STIM1: variants seen among roughly 807,000 people sequenced by gnomAD.
The protein encoded by STIM1 is stromal interaction molecule 1.
Under a neutral mutation model 74.7 loss-of-function variants are expected in STIM1, and 25 were observed. The ratio of observed to expected loss-of-function variants is 0.33; its 90% CI spans 0.24 to 0.47. The LOEUF (loss-of-function observed/expected upper bound fraction) is 0.47, where lower values mean the gene tolerates loss of function less well. Among genes scored for constraint, STIM1 ranks in the 20% least tolerant of loss-of-function variants. The pLI, the probability that STIM1 is intolerant of heterozygous loss-of-function variation, is 1.00. For missense variants in STIM1, 728 were observed against 920.8 expected, an observed-to-expected ratio of 0.79 and a Z score of 2.71; for synonymous variants, 328 against 348.8, an observed-to-expected ratio of 0.94 and a Z score of 0.66.
At chr11:4,081,815 G>A (rs1426760064) in intron 7 of STIM1, among the ~76,000 whole-genome samples, 2 of 152,224 alleles carry the variant, frequency 1.3e-5, no homozygotes, top group Non-Finnish European at 2.9e-5. Context: ...ATGTCTTGAA[G>A]TCTAAGCACA....
intron 5 of STIM1, among the ~76,000 whole-genome samples, chr11:4,063,886 A>G (rs1847461203): frequency 6.6e-6 from 1 of 152,024 alleles, no homozygotes. Context: ...TTTTGGGAGG[A>G]ACTTCTTCCT....
Position 4,017,928 on chromosome 11 carries a change from C to T in STIM1, c.271-5945C>T, listed in dbSNP as rs184841542. On this transcript the variant is annotated intron_variant, in intron 2 of 12. Coordinates refer to ENST00000526596, the MANE Select transcript of STIM1 (RefSeq NM_001382567.1). ...TTTTTAACACAGTATCCAGAGAAAT[C>T]GTTTTAAAAATATAAATGTCTTCAT... Among the ~76,000 whole-genome samples the T allele has an allele frequency of 2.8e-4, 42 of 152,284 alleles. 2 individuals carry two copies. In the East Asian group the frequency reaches 7.5e-3, roughly 27 times the overall value.
At chr11:3,966,693 C>T (rs569375388) in intron 1 of STIM1, among the ~76,000 whole-genome samples, 15 of 152,224 alleles carry the variant, frequency 9.9e-5, no homozygotes, top group African/African-American at 3.6e-4. Context: ...CAAATAGTGA[C>T]CTTGAGGCCT....
intron 1 of STIM1, among the ~76,000 whole-genome samples, chr11:3,874,659 T>C (rs1182033776): frequency 1.3e-5 from 2 of 152,258 alleles, no homozygotes; most frequent in African/African-American, 4.8e-5. Context: ...CTTCTTGCCC[T>C]GCTTTTTCAG....
Position 4,070,157 on chromosome 11 carries a change from G to C in STIM1, c.745G>C (p.Glu249Gln). 1 of 1,614,182 alleles carries C rather than the reference G, an allele frequency of 6.2e-7. No individual in the cohort carries two copies. Among genetic ancestry groups the C allele is most frequent in the South Asian group, 1.1e-5 (1 of 91,080 alleles). ...EHMKKMMKDLEGLHRAEQSLH... is the reference protein window; with the variant it reads ...EHMKKMMKDLQGLHRAEQSLH... ...CATGAAGAAGATGATGAAGGACTTG[G>C]AGGGGTTACACCGAGCTGAGCAGAG... The change falls in exon 6 of 13, where the codon GAG (glutamate) becomes CAG (glutamine). Residue 249 changes from glutamate (E) to glutamine (Q), a missense_variant. Transcript: ENST00000526596.
intron 1 of STIM1, among the ~76,000 whole-genome samples, chr11:3,957,113 C>T (rs1225116051): frequency 1.3e-5 from 2 of 152,088 alleles, no homozygotes; most frequent in African/African-American, 4.8e-5. Flanking sequence ...GCTGTGTCCT[C>T]AGATATCTTC....
chr11:4,042,103 C>T (rs531877920), intron 3 of STIM1, among the ~76,000 whole-genome samples: 5 of 152,306 alleles, frequency 3.3e-5, no homozygotes, highest in Non-Finnish European at 5.9e-5. Context: ...GATACTGATT[C>T]GGGAATCCAT....
At chr11:4,007,932 A>C (rs1197413538) in intron 2 of STIM1, among the ~76,000 whole-genome samples, 1 of 152,118 alleles carries the variant, frequency 6.6e-6, no homozygotes, top group Non-Finnish European at 1.5e-5. Context: ...GTTCTAAGAG[A>C]TAGGGGATTG....
chr11:4,017,722 A>G (rs1483882352), intron 2 of STIM1, among the ~76,000 whole-genome samples: 3 of 152,180 alleles, frequency 2.0e-5, no homozygotes, highest in African/African-American at 7.2e-5. Context: ...GAAGAACCTG[A>G]TTAATCAAAC....
Position 3,898,836 on chromosome 11 carries a change from C to T in STIM1, c.139+42427C>T, listed in dbSNP as rs1424834313. ...AGATCAGATAGTTGTAGATATGCGG[C>T]GTTATTTCTGAGGGCTCTGTTCTGT... On this transcript the variant is annotated intron_variant, in intron 1 of 12. Coordinates refer to ENST00000526596, the MANE Select transcript of STIM1 (RefSeq NM_001382567.1). 6.0e-5 allele frequency among the ~76,000 whole-genome samples: 9 copies of T among 150,246 alleles called. No individual in the cohort carries two copies. In the East Asian group the frequency reaches 9.8e-4, roughly 16 times the overall value.
chr11:3,958,362 G>C (rs1490773007), intron 1 of STIM1, among the ~76,000 whole-genome samples: 1 of 152,176 alleles, frequency 6.6e-6, no homozygotes, highest in Non-Finnish European at 1.5e-5. Context: ...AAGGAAGTTA[G>C]AGCTTAGAAT....
At chr11:4,045,332 C>T (rs1267683499) in intron 3 of STIM1, among the ~76,000 whole-genome samples, 1 of 152,096 alleles carries the variant, frequency 6.6e-6, no homozygotes, top group Non-Finnish European at 1.5e-5. Flanking sequence ...CTGTGTGTCA[C>T]TCTCTTATGC....
intron 2 of STIM1, among the ~76,000 whole-genome samples, chr11:4,022,948 A>T (rs7938706): frequency 0.042 from 6,362 of 152,300 alleles, 414 homozygotes; most frequent in African/African-American, 0.14. Context: ...TTGTTAGAAG[A>T]TGAGTCACTA....
chr11:3,952,793 C>T (rs543682590), intron 1 of STIM1, among the ~76,000 whole-genome samples: 1 of 152,264 alleles, frequency 6.6e-6, no homozygotes, highest in Non-Finnish European at 1.5e-5. Flanking sequence ...GGGAGTCAGT[C>T]AGACACTTTC....
At chr11:4,034,009 T>C (rs2094077027) in intron 3 of STIM1, among the ~76,000 whole-genome samples, 1 of 151,580 alleles carries the variant, frequency 6.6e-6, no homozygotes, top group African/African-American at 2.4e-5. Context: ...GGTGGGTGGA[T>C]CACGAGGTCA....
chr11:4,072,002 A>G (rs965793407), intron 6 of STIM1, among the ~76,000 whole-genome samples: 2 of 152,142 alleles, frequency 1.3e-5, no homozygotes, highest in Non-Finnish European at 2.9e-5. Flanking sequence ...GCCCTTTGCC[A>G]GTTAGGAGCT....
intron 1 of STIM1, among the ~76,000 whole-genome samples, chr11:3,861,410 AT>A (rs1233386459): frequency 4.0e-5 from 6 of 151,700 alleles, no homozygotes; most frequent in Non-Finnish European, 7.4e-5. Flanking sequence ...ATTGTTTTGT[AT>A]TTTTAGTAGA....
chr11:3,964,012 T>C (rs1225489604), intron 1 of STIM1, among the ~76,000 whole-genome samples: 1 of 152,252 alleles, frequency 6.6e-6, no homozygotes, highest in African/African-American at 2.4e-5. Context: ...CCAGGCCCTA[T>C]GCTGGATGTT....
intron 2 of STIM1, among the ~76,000 whole-genome samples, chr11:3,988,814 C>T (rs556592557): frequency 5.6e-4 from 86 of 152,252 alleles, no homozygotes; most frequent in East Asian, 5.8e-4. Flanking sequence ...TGCAGGGCTG[C>T]TGACTCCATA....
Sources: gnomAD v4.1 joint callset for allele counts (sites outside exome capture counted in the v4.1 genomes callset) on GRCh38, gnomAD v4.1.1 for gene constraint, MANE v1.5 for transcripts, NCBI Gene and HGNC (gene_info 2026-07-23, HGNC 2026-07-21) for gene names.